SEMA5A: variants seen among roughly 807,000 people sequenced by gnomAD.
SEMA5A encodes the protein semaphorin 5A.
Under a neutral mutation model 135.5 loss-of-function variants are expected in SEMA5A, and 55 were observed. The ratio of observed to expected loss-of-function variants is 0.41; its 90% CI spans 0.33 to 0.51. SEMA5A has a LOEUF of 0.51. SEMA5A is among the 20% of genes least tolerant of loss of function. The pLI, the probability that SEMA5A is intolerant of heterozygous loss-of-function variation, is 0.37. For missense variants in SEMA5A, 1,290 were observed against 1,419.9 expected (o/e 0.91, Z 1.47); for synonymous variants, 580 against 546.5 (o/e 1.06, Z -0.85).
At chr5:9,437,330 AT>A (rs545757404) in intron 2 of SEMA5A, among the ~76,000 whole-genome samples, 34 of 150,666 alleles carry the variant, frequency 2.3e-4, no homozygotes, top group East Asian at 1.8e-3. Context: ...ATTAACTCTC[AT>A]TTTTTTTTCT....
intron 5 of SEMA5A, among the ~76,000 whole-genome samples, chr5:9,292,982 C>T (rs370958948): frequency 1.3e-5 from 2 of 152,172 alleles, no homozygotes; most frequent in African/African-American, 2.4e-5. Flanking sequence ...GGTGCAGAAA[C>T]CCTGATGCGA....
intron 13 of SEMA5A, among the ~76,000 whole-genome samples, chr5:9,127,095 A>G (rs1741157009): frequency 6.6e-6 from 1 of 152,196 alleles, no homozygotes; most frequent in South Asian, 2.1e-4. Context: ...TCTCACAGTT[A>G]TCTTGGCATT....
At chr5:9,537,297 G>T (rs1257350331) in intron 1 of SEMA5A, among the ~76,000 whole-genome samples, 2 of 152,078 alleles carry the variant, frequency 1.3e-5, no homozygotes, top group Non-Finnish European at 2.9e-5. Context: ...ACCTGCCCTG[G>T]TAACACAGAC....
chr5:9,050,496 G>A (rs760065769), intron 20 of SEMA5A, 39 bp from the exon 21 acceptor site: 11 of 1,569,618 alleles, frequency 7.0e-6, no homozygotes, highest in Admixed American at 3.4e-5. Flanking sequence ...TGTAAAAGGT[G>A]TTCAGAAGAC....
At chr5:9,452,995 C>A (rs1298760994) in intron 1 of SEMA5A, among the ~76,000 whole-genome samples, 1 of 152,198 alleles carries the variant, frequency 6.6e-6, no homozygotes, top group African/African-American at 2.4e-5. Flanking sequence ...AGAAATGCTG[C>A]AACCACCACA....
rs992099645 is a variant in SEMA5A, at chr5:9,300,453, A to G, written c.270+17919T>C. Among the ~76,000 whole-genome samples the G allele has an allele frequency of 7.2e-5, 11 of 152,214 alleles. No homozygotes were observed. In the East Asian group the frequency reaches 1.9e-3, roughly 27 times the overall value. ...AAACTCTGAGAAGGAGAAAAAGAGG[A>G]TAGTAATTTGGAACAAATCTTACAG... On this transcript the variant is annotated intron_variant, in intron 5 of 22. Transcript: ENST00000382496.
Position 9,105,312 on chromosome 5 carries a change from A to G in SEMA5A, c.2073+2828T>C, listed in dbSNP as rs903149458. ...CAAGGATGTAGAAATTTCACAAGTG[A>G]AGCTGGGAAAATCCTTTCATGAAAT... On this transcript the variant is annotated intron_variant, in intron 16 of 22. Coordinates refer to ENST00000382496, the MANE Select transcript of SEMA5A (RefSeq NM_003966.3). Among the ~76,000 whole-genome samples, 6 of 152,344 alleles carry G rather than the reference A, an allele frequency of 3.9e-5. No individual in the cohort carries two copies. In the South Asian group the frequency reaches 1.0e-3, roughly 26 times the overall value.
At chr5:9,449,050 A>C (rs1334096727) in intron 1 of SEMA5A, among the ~76,000 whole-genome samples, 2 of 152,256 alleles carry the variant, frequency 1.3e-5, no homozygotes, top group African/African-American at 4.8e-5. Context: ...CATTTGACCC[A>C]GAAATTTCAT....
At chr5:9,082,718 C>T (rs995162218) in intron 16 of SEMA5A, among the ~76,000 whole-genome samples, 2 of 152,138 alleles carry the variant, frequency 1.3e-5, no homozygotes, top group African/African-American at 4.8e-5. Context: ...CATCTTTACA[C>T]GGAGCCCTGG....
At chr5:9,059,171 C>T (rs1209628126) in intron 18 of SEMA5A, among the ~76,000 whole-genome samples, 1 of 145,514 alleles carries the variant, frequency 6.9e-6, no homozygotes, top group East Asian at 2.0e-4. Flanking sequence ...ATTTTCTTTT[C>T]TTTTTTTTTT....
At chr5:9,513,976 A>T (rs934177695) in intron 1 of SEMA5A, among the ~76,000 whole-genome samples, 3 of 152,170 alleles carry the variant, frequency 2.0e-5, no homozygotes, top group African/African-American at 7.2e-5. Context: ...TTCTGGAGGT[A>T]AGAAATCTAA....
At chr5:9,516,098 G>A (rs550540247) in intron 1 of SEMA5A, among the ~76,000 whole-genome samples, 35 of 152,224 alleles carry the variant, frequency 2.3e-4, no homozygotes, top group African/African-American at 7.2e-4. Flanking sequence ...GAACACCTAC[G>A]GTATATAAAG....
At chr5:9,287,184 GATACAGACATTCATCTTT>G (rs1750839130) in intron 5 of SEMA5A, among the ~76,000 whole-genome samples, 1 of 152,116 alleles carries the variant, frequency 6.6e-6, no homozygotes, top group Non-Finnish European at 1.5e-5. Flanking sequence ...GTGTACGATG[GATACAGACATTCATCTTT>G]ATATTAACCC....
chr5:9,343,206 T>G (rs1356458149), intron 3 of SEMA5A, among the ~76,000 whole-genome samples: 1 of 152,224 alleles, frequency 6.6e-6, no homozygotes, highest in Non-Finnish European at 1.5e-5. Flanking sequence ...TCATCATTTT[T>G]TATTACCCAA....
chr5:9,467,501 G>T (rs1467567658), intron 1 of SEMA5A, among the ~76,000 whole-genome samples: 2 of 152,068 alleles, frequency 1.3e-5, no homozygotes, highest in East Asian at 3.9e-4. Flanking sequence ...AGAACTTCAG[G>T]GTATTTACTG....
At chr5:9,213,761 T>A (rs1186040704) in intron 8 of SEMA5A, among the ~76,000 whole-genome samples, 3 of 152,202 alleles carry the variant, frequency 2.0e-5, no homozygotes, top group African/African-American at 7.2e-5. Flanking sequence ...AAATATTTAT[T>A]CACTGGCCCT....
At chr5:9,527,590 C>G (rs750632788) in intron 1 of SEMA5A, among the ~76,000 whole-genome samples, 33 of 152,160 alleles carry the variant, frequency 2.2e-4, no homozygotes, top group Non-Finnish European at 4.1e-4. Flanking sequence ...GACATTAAAC[C>G]ACACTTCAGC....
intron 5 of SEMA5A, among the ~76,000 whole-genome samples, chr5:9,242,596 A>G (rs1038027244): frequency 1.3e-5 from 2 of 152,126 alleles, no homozygotes; most frequent in African/African-American, 4.8e-5. Flanking sequence ...ATGATACACT[A>G]GACTTTGAGG....
intron 4 of SEMA5A, among the ~76,000 whole-genome samples, chr5:9,337,185 T>C (rs529226391): frequency 1.3e-5 from 2 of 152,278 alleles, no homozygotes; most frequent in East Asian, 3.9e-4. Flanking sequence ...TGAATCTCAA[T>C]TTACTGGTAT....
Sources: allele counts gnomAD v4.1 joint callset (sites outside exome capture counted in the v4.1 genomes callset), GRCh38; gene constraint gnomAD v4.1.1; transcripts MANE v1.5; gene names NCBI Gene and HGNC (gene_info 2026-07-23, HGNC 2026-07-21).